Variants in PDGFC observed in about 807,000 individuals in gnomAD.
PDGFC encodes the protein platelet-derived growth factor C.
Under a neutral mutation model 35.5 loss-of-function variants are expected in PDGFC, and 12 were observed. The ratio of observed to expected loss-of-function variants is 0.34; its 90% CI spans 0.22 to 0.55. The LOEUF (loss-of-function observed/expected upper bound fraction) is 0.55. PDGFC is among the 20% of genes least tolerant of loss of function. The probability of loss-of-function intolerance (pLI) is 0.91; values close to 1 mark genes in which losing one functional copy is unlikely to be tolerated. For synonymous variants in PDGFC, 159 were observed against 148.8 expected (o/e 1.07, Z -0.50); for missense variants, 322 against 412.4 (o/e 0.78, Z 1.90).
chr4:156,819,953 C>G (rs886656928), intron 2 of PDGFC, among the ~76,000 whole-genome samples: 11 of 152,072 alleles, frequency 7.2e-5, no homozygotes. Flanking sequence ...CCAATCTTCA[C>G]GGATAAATCT....
chr4:156,906,031 G>A (rs1730907735), intron 1 of PDGFC, among the ~76,000 whole-genome samples: 1 of 152,042 alleles, frequency 6.6e-6, no homozygotes, highest in Non-Finnish European at 1.5e-5. Flanking sequence ...TATACACAGA[G>A]ATATACATTT....
intron 2 of PDGFC, among the ~76,000 whole-genome samples, chr4:156,824,418 A>G (rs1732384503): frequency 6.6e-6 from 1 of 151,008 alleles, no homozygotes. Context: ...ATATACACAC[A>G]CACATATATA....
chr4:156,841,881 T>A (rs1383858714), intron 2 of PDGFC: 1 of 152,066 alleles, frequency 6.6e-6, no homozygotes, highest in African/African-American at 2.4e-5. Flanking sequence ...GATAAAAGAG[T>A]CTTAAATTAA....
chr4:156,903,246 T>G (rs1730836717), intron 1 of PDGFC, among the ~76,000 whole-genome samples: 1 of 152,002 alleles, frequency 6.6e-6, no homozygotes, highest in African/African-American at 2.4e-5. Flanking sequence ...AATATGATTA[T>G]GAAAATAATT....
At chr4:156,965,813 A>G (rs1246709048) in intron 1 of PDGFC, among the ~76,000 whole-genome samples, 3 of 152,122 alleles carry the variant, frequency 2.0e-5, no homozygotes, top group Non-Finnish European at 4.4e-5. Context: ...AGCAGAGAGG[A>G]AAAAAGATAG....
At position 156,909,721 on chromosome 4, in the gene PDGFC, A is replaced by G. The variant is rs548924649; in HGVS notation, c.119-59305T>C. On this transcript the variant is annotated intron_variant, in intron 1 of 5. Coordinates refer to ENST00000502773, the MANE Select transcript of PDGFC (RefSeq NM_016205.3). ...CTGATTTTCTTTTACTGTGTCCTTG[A>G]CTACTGTAGTGGGCTGAACAGTATT... 6.6e-5 allele frequency among the ~76,000 whole-genome samples: 10 copies of G among 152,286 alleles called. No individual in the cohort carries two copies. The South Asian group carries it at 2.1e-3, about 32-fold the overall frequency.
intron 1 of PDGFC, among the ~76,000 whole-genome samples, chr4:156,938,997 A>T (rs1731745825): frequency 6.6e-6 from 1 of 152,036 alleles, no homozygotes; most frequent in South Asian, 2.1e-4. Context: ...TCCTATTAAC[A>T]AGAGGTCAAA....
intron 1 of PDGFC, among the ~76,000 whole-genome samples, chr4:156,921,039 G>A (rs1290350873): frequency 1.3e-5 from 2 of 152,094 alleles, no homozygotes; most frequent in Non-Finnish European, 1.5e-5. Flanking sequence ...CTAGAAGCTG[G>A]ACCAAAAGAA....
intron 3 of PDGFC, among the ~76,000 whole-genome samples, chr4:156,784,105 G>A (rs929605209): frequency 3.3e-5 from 5 of 152,144 alleles, no homozygotes; most frequent in African/African-American, 1.2e-4. Context: ...CATTTTTGTG[G>A]CATTAAATAT....
At chr4:156,940,203 C>A (rs1304287253) in intron 1 of PDGFC, among the ~76,000 whole-genome samples, 1 of 152,106 alleles carries the variant, frequency 6.6e-6, no homozygotes, top group Admixed American at 6.6e-5. Flanking sequence ...ATTTCAAGAT[C>A]AGCCTTTCCT....
intron 1 of PDGFC, among the ~76,000 whole-genome samples, chr4:156,857,628 G>A (rs1321220665): frequency 6.6e-6 from 1 of 152,018 alleles, no homozygotes; most frequent in Admixed American, 6.6e-5. Context: ...TTAATATAGC[G>A]AGCATCTTCT....
At chr4:156,840,700 G>A (rs1729180806) in intron 2 of PDGFC, among the ~76,000 whole-genome samples, 1 of 152,168 alleles carries the variant, frequency 6.6e-6, no homozygotes, top group African/African-American at 2.4e-5. Flanking sequence ...GCTAGCCTTT[G>A]AGAGCAGCTG....
At chr4:156,929,081 T>C (rs1276194026) in intron 1 of PDGFC, among the ~76,000 whole-genome samples, 1 of 152,144 alleles carries the variant, frequency 6.6e-6, no homozygotes, top group Admixed American at 6.5e-5. Context: ...CTGCGAGCAA[T>C]AGTCAAAGAA....
intron 2 of PDGFC, 39 bp downstream of exon 2, chr4:156,850,182 A>C (rs1378891277): frequency 9.6e-7 from 1 of 1,042,784 alleles, no homozygotes. Flanking sequence ...GACTTTTAAC[A>C]GTTGTTACAT....
At chr4:156,952,429 G>T (rs1396408737) in intron 1 of PDGFC, among the ~76,000 whole-genome samples, 1 of 151,842 alleles carries the variant, frequency 6.6e-6, no homozygotes, top group Admixed American at 6.6e-5. Context: ...ACATTTTAAT[G>T]AAAGTGTGGA....
chr4:156,807,910 A>G (rs1439013823), intron 3 of PDGFC, among the ~76,000 whole-genome samples: 1 of 152,098 alleles, frequency 6.6e-6, no homozygotes, highest in Non-Finnish European at 1.5e-5. Context: ...AACTGTATAT[A>G]CTAATGTTTA....
At chr4:156,763,311 GAC>G in intron 5 of PDGFC, 105 bp from the exon 6 acceptor site, 1 of 466,438 alleles carries the variant, frequency 2.1e-6, no homozygotes, top group Admixed American at 2.6e-5. Context: ...GCCCAAGAAA[GAC>G]ACATATTTTA....
chr4:156,827,806 C>T (rs527929899), intron 2 of PDGFC, among the ~76,000 whole-genome samples: 2 of 150,256 alleles, frequency 1.3e-5, no homozygotes, highest in East Asian at 1.9e-4. Context: ...ACTGTTATCA[C>T]CAAAGACAAT....
At chr4:156,813,904 G>A (rs996449076) in intron 2 of PDGFC, among the ~76,000 whole-genome samples, 1 of 152,106 alleles carries the variant, frequency 6.6e-6, no homozygotes, top group African/African-American at 2.4e-5. Context: ...CTCATCTCCA[G>A]AATTCGTGTC....
Sources: allele counts gnomAD v4.1 joint callset (sites outside exome capture counted in the v4.1 genomes callset), GRCh38; gene constraint gnomAD v4.1.1; transcripts MANE v1.5; gene names NCBI Gene and HGNC (gene_info 2026-07-23, HGNC 2026-07-21).